BACC1: variants seen among roughly 807,000 people sequenced by gnomAD.
BACC1 encodes BPTF-associated chromatin complex component 1.
At chr17:7,016,858 G>T in the BACC1 span, 6 of 1,563,066 alleles carry the variant, frequency 3.8e-6, no homozygotes, top group Admixed American at 1.7e-5. Context: ...GCTTGGGGCT[G>T]GGGGAGAGGC....
chr17:7,017,213 C>A, the BACC1 span: 1 of 1,614,056 alleles, frequency 6.2e-7, no homozygotes, highest in South Asian at 1.1e-5. Context: ...TGGAAGCACA[C>A]TGGGGGCTCG....
At chr17:7,016,661 C>G in the BACC1 span, 4 of 1,611,886 alleles carry the variant, frequency 2.5e-6, no homozygotes, top group Non-Finnish European at 3.4e-6. Flanking sequence ...GGCCGGGGGT[C>G]CCCCCATAAA....
chr17:7,015,462 G>C, the BACC1 span: 2 of 1,373,054 alleles, frequency 1.5e-6, no homozygotes, highest in Non-Finnish European at 1.9e-6. Flanking sequence ...CTGTGTTGGT[G>C]GGTCTGTTTT....
chr17:7,015,777 G>C, the BACC1 span: 1 of 1,613,932 alleles, frequency 6.2e-7, no homozygotes, highest in African/African-American at 1.3e-5. Flanking sequence ...CTGACAGTGC[G>C]AAGTGGACGG....
the BACC1 span, chr17:7,017,026 C>G: frequency 6.3e-7 from 1 of 1,599,712 alleles, no homozygotes; most frequent in Non-Finnish European, 8.6e-7. Context: ...TAGGAGTCCT[C>G]CTCCTCCCAC....
chr17:7,017,036 C>T, the BACC1 span: 1 of 1,594,630 alleles, frequency 6.3e-7, no homozygotes, highest in East Asian at 2.2e-5. Flanking sequence ...CCTCCTCCCA[C>T]ACAGCTGACG....
chr17:7,016,239 A>C, the BACC1 span: 1 of 541,104 alleles, frequency 1.8e-6, no homozygotes, highest in Non-Finnish European at 3.2e-6. Context: ...TAAATCACCA[A>C]GCTCTACCTG....
At chr17:7,015,879 A>AG in the BACC1 span, 1 of 1,613,124 alleles carries the variant, frequency 6.2e-7, no homozygotes, top group Non-Finnish European at 8.5e-7. Flanking sequence ...GGACAGTGTG[A>AG]GGGAGGGTGG....
At chr17:7,015,519 G>T in the BACC1 span, 12 of 1,410,782 alleles carry the variant, frequency 8.5e-6, no homozygotes, top group Non-Finnish European at 1.1e-5. Flanking sequence ...GTGTACAGCA[G>T]CCGTTTAACG....
chr17:7,015,120 T>G, the BACC1 span: 3 of 1,585,728 alleles, frequency 1.9e-6, no homozygotes, highest in Non-Finnish European at 2.6e-6. Context: ...GAGCTGACGA[T>G]GCAGCTGCAT....
the BACC1 span, chr17:7,017,379 C>T: frequency 1.3e-6 from 2 of 1,506,468 alleles, no homozygotes; most frequent in Non-Finnish European, 1.8e-6. Context: ...CCTGGGACTC[C>T]GAGCAAGGCC....
the BACC1 span, chr17:7,017,288 G>A: frequency 2.5e-6 from 4 of 1,613,932 alleles, no homozygotes; most frequent in Non-Finnish European, 3.4e-6. Flanking sequence ...GCCTTCTCAT[G>A]ACCTCTGCTG....
At chr17:7,017,442 A>G in the BACC1 span, 3 of 903,808 alleles carry the variant, frequency 3.3e-6, no homozygotes, top group South Asian at 2.7e-5. Flanking sequence ...CTATTCCCGC[A>G]TAAGCATCTG....
the BACC1 span, chr17:7,014,900 G>A: frequency 2.6e-5 from 39 of 1,514,356 alleles, no homozygotes; most frequent in Non-Finnish European, 3.3e-5. The surrounding 1 kb of genome is among the most constrained non-coding windows in gnomAD (Gnocchi z 4.5). Flanking sequence ...CTCGCGGACA[G>A]CGCTCCCTGG....
chr17:7,014,891 T>C, the BACC1 span: 1 of 1,523,400 alleles, frequency 6.6e-7, no homozygotes, highest in Non-Finnish European at 8.8e-7. This position sits in a 1 kb window ranked among gnomAD's most constrained non-coding sequence, Gnocchi z 4.5. Flanking sequence ...TCGACCTCCC[T>C]CGCGGACAGC....
chr17:7,017,116 G>T, the BACC1 span: 2 of 1,522,970 alleles, frequency 1.3e-6, no homozygotes, highest in South Asian at 2.3e-5. Context: ...CTTGTATAGG[G>T]GTTTCAGAAG....
chr17:7,016,712 G>A, the BACC1 span: 1 of 1,595,312 alleles, frequency 6.3e-7, no homozygotes, highest in South Asian at 1.1e-5. Flanking sequence ...TGCTGCCTAG[G>A]GGTTAAAGGT....
the BACC1 span, chr17:7,015,280 T>A: frequency 1.4e-6 from 2 of 1,404,428 alleles, no homozygotes; most frequent in African/African-American, 3.0e-5. Context: ...CAGCACAGAG[T>A]CGGTGTTAAT....
chr17:7,017,134 G>GCC, the BACC1 span: 1 of 1,536,170 alleles, frequency 6.5e-7, no homozygotes, highest in African/African-American at 1.4e-5. Context: ...AAGAGAAGGT[G>GCC]CTCTCATACA....
Sources: gnomAD v4.1 joint callset for allele counts on GRCh38, gnomAD v4.1.1 for gene constraint, Gnocchi (gnomAD v3.1) non-coding constraint, MANE v1.5 for transcripts, NCBI Gene and HGNC (gene_info 2026-07-23, HGNC 2026-07-21) for gene names.